Variants in SNTG1 observed in about 807,000 individuals in gnomAD.
SNTG1 encodes syntrophin gamma 1.
Under a neutral mutation model 74.7 loss-of-function variants are expected in SNTG1, and 39 were observed. That is an observed-to-expected ratio of 0.52 (90% CI 0.40 to 0.68). The LOEUF (loss-of-function observed/expected upper bound fraction) is 0.68, where lower values mean the gene tolerates loss of function less well. Among genes scored for constraint, SNTG1 ranks in the 30% least tolerant of loss-of-function variants. SNTG1 has a pLI of 0.00. For missense variants in SNTG1, 685 were observed against 609.5 expected, an observed-to-expected ratio of 1.12 and a Z score of -1.30; for synonymous variants, 254 against 217.1, an observed-to-expected ratio of 1.17 and a Z score of -1.49.
intron 1 of SNTG1, among the ~76,000 whole-genome samples, chr8:49,936,825 G>T (rs1002595038): frequency 3.5e-4 from 54 of 152,116 alleles, no homozygotes; most frequent in African/African-American, 1.3e-3. Flanking sequence ...AATACTTATT[G>T]ATACATGCAT....
At chr8:50,618,838 A>G (rs2094901796) in intron 13 of SNTG1, among the ~76,000 whole-genome samples, 1 of 152,064 alleles carries the variant, frequency 6.6e-6, no homozygotes, top group South Asian at 2.1e-4. Flanking sequence ...TTTCAAGGCC[A>G]GCAGGAAATG....
At chr8:50,455,931 T>C (rs1270281730) in intron 8 of SNTG1, among the ~76,000 whole-genome samples, 1 of 152,222 alleles carries the variant, frequency 6.6e-6, no homozygotes, top group African/African-American at 2.4e-5. Context: ...CCATACTGGA[T>C]AGTTTTTCTT....
intron 12 of SNTG1, among the ~76,000 whole-genome samples, chr8:50,560,360 A>G (rs2094480141): frequency 1.3e-5 from 2 of 152,246 alleles, no homozygotes; most frequent in African/African-American, 2.4e-5. Flanking sequence ...CAGCAATCCC[A>G]TTACTGGGTA....
chr8:50,339,343 T>C (rs763430417), intron 2 of SNTG1, among the ~76,000 whole-genome samples: 1 of 151,986 alleles, frequency 6.6e-6, no homozygotes, highest in Non-Finnish European at 1.5e-5. Context: ...CAGTAACTTA[T>C]GTATACATTA....
intron 1 of SNTG1, among the ~76,000 whole-genome samples, chr8:50,118,323 T>A (rs747001862): frequency 6.6e-5 from 10 of 152,150 alleles, no homozygotes; most frequent in Admixed American, 6.6e-5. Flanking sequence ...AAAAATTACA[T>A]GTACCATGAT....
chr8:50,703,343 A>T (rs1441474747), intron 15 of SNTG1, among the ~76,000 whole-genome samples: 1 of 144,026 alleles, frequency 6.9e-6, no homozygotes, highest in East Asian at 2.0e-4. Context: ...TTTTATAAAA[A>T]ATAAGACAGA....
chr8:50,125,900 T>C (rs564280452), intron 1 of SNTG1, among the ~76,000 whole-genome samples: 1 of 152,264 alleles, frequency 6.6e-6, no homozygotes, highest in South Asian at 2.1e-4. Context: ...GCATATGGAA[T>C]GCTATGTGTA....
At chr8:50,437,735 G>C (rs1208355616) in intron 4 of SNTG1, among the ~76,000 whole-genome samples, 1 of 152,182 alleles carries the variant, frequency 6.6e-6, no homozygotes, top group Admixed American at 6.6e-5. Flanking sequence ...CAAGCTATAA[G>C]TTAAAGCGTT....
intron 8 of SNTG1, among the ~76,000 whole-genome samples, chr8:50,485,493 C>T (rs540322192): frequency 6.6e-6 from 1 of 152,128 alleles, no homozygotes; most frequent in East Asian, 1.9e-4. Context: ...TGTTCATGTC[C>T]TTCACCCACT....
intron 2 of SNTG1, among the ~76,000 whole-genome samples, chr8:50,343,758 A>G (rs558733446): frequency 3.1e-4 from 47 of 152,340 alleles, no homozygotes; most frequent in Non-Finnish European, 5.7e-4. Flanking sequence ...AGCCTATTAG[A>G]TAAAAGCCAA....
At position 50,111,620 on chromosome 8, in the gene SNTG1, C is replaced by T. The variant is rs199823700; in HGVS notation, c.-102-60941C>T. On this transcript the variant is annotated intron_variant, in intron 1 of 18. Transcript: ENST00000642720. ...AGTCTATGATATTTTATTATGGCAG[C>T]GCAAGAAGAGCAATATACCCCTCCA... 2.6e-3 allele frequency among the ~76,000 whole-genome samples: 393 copies of T among 152,052 alleles called. 6 individuals are homozygous for T. Among genetic ancestry groups the T allele is most frequent in the East Asian group, 0.017 (88 of 5,142 alleles).
chr8:50,075,361 G>C, intron 1 of SNTG1, among the ~76,000 whole-genome samples: 1 of 152,204 alleles, frequency 6.6e-6, no homozygotes, highest in Admixed American at 6.5e-5. Context: ...TCTGGCTGGA[G>C]GATTGTATAT....
At chr8:49,929,789 A>G (rs550894548) in intron 1 of SNTG1, among the ~76,000 whole-genome samples, 1 of 151,654 alleles carries the variant, frequency 6.6e-6, no homozygotes, top group Non-Finnish European at 1.5e-5. Flanking sequence ...ATATGTATAC[A>G]TGTGCCATGC....
At chr8:50,551,549 C>T (rs572872910) in intron 11 of SNTG1, among the ~76,000 whole-genome samples, 3 of 152,220 alleles carry the variant, frequency 2.0e-5, no homozygotes, top group South Asian at 4.1e-4. Flanking sequence ...TTACTAAACT[C>T]CAATTATTTC....
chr8:50,128,923 C>T (rs1459946478), intron 1 of SNTG1, among the ~76,000 whole-genome samples: 3 of 152,038 alleles, frequency 2.0e-5, no homozygotes, highest in Admixed American at 2.0e-4. Flanking sequence ...TTGGGCTATA[C>T]ATTCATGGCT....
intron 15 of SNTG1, among the ~76,000 whole-genome samples, chr8:50,693,936 A>G (rs1272025683): frequency 6.6e-6 from 1 of 152,180 alleles, no homozygotes; most frequent in East Asian, 1.9e-4. Context: ...TAACATACCA[A>G]AACCTATGGG....
chr8:50,318,325 A>T (rs2090394167), intron 2 of SNTG1, among the ~76,000 whole-genome samples: 2 of 152,204 alleles, frequency 1.3e-5, no homozygotes, highest in East Asian at 1.9e-4. Flanking sequence ...AAAGCATTGG[A>T]TACAATGCCT....
At chr8:50,006,843 T>C (rs987928558) in intron 1 of SNTG1, among the ~76,000 whole-genome samples, 1 of 152,108 alleles carries the variant, frequency 6.6e-6, no homozygotes, top group African/African-American at 2.4e-5. Context: ...CGTCTGCCAG[T>C]TGAAAAAGTG....
chr8:50,218,748 G>A (rs1481861135), intron 2 of SNTG1, among the ~76,000 whole-genome samples: 1 of 152,056 alleles, frequency 6.6e-6, no homozygotes, highest in East Asian at 1.9e-4. Flanking sequence ...AAGACTACTT[G>A]CCCAAATAGC....
Sources: allele counts gnomAD v4.1 joint callset (sites outside exome capture counted in the v4.1 genomes callset), GRCh38; gene constraint gnomAD v4.1.1; transcripts MANE v1.5; gene names NCBI Gene and HGNC (gene_info 2026-07-23, HGNC 2026-07-21).